The following DNER variants were observed in gnomAD, a reference collection of about 807,000 sequenced individuals.
The protein encoded by DNER is delta/notch like EGF repeat containing, also known as delta and Notch-like epidermal growth factor-related receptor.
In DNER, 33 loss-of-function variants were observed where a neutral mutation model predicts 78.2. The observed-to-expected ratio is 0.42, with a 90% confidence interval of 0.32 to 0.56. DNER has a LOEUF of 0.56. DNER is among the 20% of genes least tolerant of loss of function. The pLI is 0.11. For missense variants in DNER, 918 were observed against 975.3 expected, an observed-to-expected ratio of 0.94 and a Z score of 0.78; for synonymous variants, 417 against 384.8, an observed-to-expected ratio of 1.08 and a Z score of -0.98.
At chr2:229,421,631 A>ATATG (rs1025638915) in intron 8 of DNER, among the ~76,000 whole-genome samples, 201 of 19,490 alleles carry the variant, frequency 0.01, no homozygotes, top group Non-Finnish European at 0.029. Flanking sequence ...AACATGAAAT[A>ATATG]TATATATATA....
rs1696056910 is a variant in DNER, at chr2:229,519,717, G to A, written c.994-6781C>T. On this transcript the variant is annotated intron_variant, in intron 5 of 12. Coordinates refer to ENST00000341772, the MANE Select transcript of DNER (RefSeq NM_139072.4). ...GGGTTCAGAAGATGCGTGTGGGGAG[G>A]CCCTTCACCCTTAAGGGCATCTGCT... Among the ~76,000 whole-genome samples, 3 of 152,132 alleles carry A rather than the reference G, an allele frequency of 2.0e-5. No individual in the cohort carries two copies. In the South Asian group the frequency reaches 6.2e-4, roughly 31 times the overall value.
intron 1 of DNER, among the ~76,000 whole-genome samples, chr2:229,686,244 G>A (rs58324846): frequency 6.6e-6 from 1 of 152,098 alleles, no homozygotes; most frequent in Non-Finnish European, 1.5e-5. Context: ...TGGTGCCACT[G>A]ACTGTTCATC....
intron 10 of DNER, among the ~76,000 whole-genome samples, chr2:229,389,590 G>A (rs1692972189): frequency 6.6e-6 from 1 of 152,098 alleles, no homozygotes; most frequent in Admixed American, 6.5e-5. Flanking sequence ...ATTTTCAAAA[G>A]CAATGTTTCA....
At chr2:229,407,412 C>T (rs532604962) in intron 9 of DNER, 67 bp from the exon 10 acceptor site, 37 of 1,436,290 alleles carry the variant, frequency 2.6e-5, no homozygotes, top group Admixed American at 1.0e-4. Flanking sequence ...CCTCTGAAAG[C>T]AAAGTCGGAA....
intron 9 of DNER, 54 bp downstream of exon 9, chr2:229,418,054 T>C (rs1693687530): frequency 6.2e-7 from 1 of 1,613,396 alleles, no homozygotes; most frequent in Non-Finnish European, 8.5e-7. Flanking sequence ...CACTGAGAAA[T>C]ACATGACGTC....
At chr2:229,400,128 A>G (rs1693236274) in intron 10 of DNER, among the ~76,000 whole-genome samples, 1 of 152,044 alleles carries the variant, frequency 6.6e-6, no homozygotes, top group Admixed American at 6.5e-5. Flanking sequence ...TGGATGATGA[A>G]AGGCAGTATT....
At position 229,594,311 on chromosome 2, in the gene DNER, G is replaced by A. The variant is rs140448884; in HGVS notation, c.277-2423C>T. Among the ~76,000 whole-genome samples, 26 of 152,328 alleles carry A rather than the reference G, an allele frequency of 1.7e-4. No homozygotes were observed. In the East Asian group the frequency reaches 3.1e-3, roughly 18 times the overall value. On this transcript the variant is annotated intron_variant, in intron 1 of 12. Transcript: ENST00000341772. ...CTGAGAAAAAGAAGAGCAGAGGGCC[G>A]GGCGCGGTGGCTCACGCCTGTAACC...
rs192285537 is a variant in DNER, at chr2:229,439,338, A to T, written c.1486+7978T>A. The stretch of plus-strand genomic sequence containing the variant: ...GTCTTTCCCAAGTAACGGAATATCC[A>T]ATGTCTGCGCTAATGCTCCACCATT... On this transcript the variant is annotated intron_variant, in intron 8 of 12. Transcript: ENST00000341772. Among the ~76,000 whole-genome samples, 655 of 152,350 alleles carry T rather than the reference A, an allele frequency of 4.3e-3. 1 individual carries two copies. The highest frequency in any genetic ancestry group is 0.015 in the African/African-American group (630 of 41,586).
intron 4 of DNER, among the ~76,000 whole-genome samples, chr2:229,575,377 G>A (rs559127413): frequency 6.6e-6 from 1 of 152,332 alleles, no homozygotes; most frequent in African/African-American, 2.4e-5. Context: ...AAGCATCTTA[G>A]TAACTCATGA....
At chr2:229,670,997 T>C (rs1699197778) in intron 1 of DNER, among the ~76,000 whole-genome samples, 1 of 152,140 alleles carries the variant, frequency 6.6e-6, no homozygotes, top group African/African-American at 2.4e-5. Context: ...GGAGGGGGAA[T>C]TTTTTTCTGC....
intron 1 of DNER, among the ~76,000 whole-genome samples, chr2:229,654,659 A>G (rs77656796): frequency 0.028 from 4,243 of 152,202 alleles, 204 homozygotes; most frequent in African/African-American, 0.097. Context: ...GCCTATGCTT[A>G]TGTGTCACAC....
At chr2:229,711,225 G>C (rs1015005615) in intron 1 of DNER, among the ~76,000 whole-genome samples, 1 of 152,078 alleles carries the variant, frequency 6.6e-6, no homozygotes, top group Non-Finnish European at 1.5e-5. Flanking sequence ...GGGAACCCCT[G>C]GGCTTTCTTA....
chr2:229,521,476 G>A (rs1412201601), intron 5 of DNER, among the ~76,000 whole-genome samples: 5 of 152,164 alleles, frequency 3.3e-5, no homozygotes, highest in Admixed American at 3.3e-4. Flanking sequence ...AACCAGACAG[G>A]ACAGTCATTT....
rs143840900 is a variant in DNER at position 229,534,574 on chromosome 2, A to G, written c.993+12373T>C. On this transcript the variant is annotated intron_variant, in intron 5 of 12. Transcript: ENST00000341772. Reference sequence around the variant, plus strand: ...TAAAACATGTATCCCATTTCCAACTAAGTATCTATTGAGGCTGTATTTTCT... The same window carrying G: ...TAAAACATGTATCCCATTTCCAACTGAGTATCTATTGAGGCTGTATTTTCT... 1.1e-3 allele frequency among the ~76,000 whole-genome samples: 160 copies of G among 152,344 alleles called. 1 individual carries two copies. The highest frequency in any genetic ancestry group is 3.7e-3 in the African/African-American group (154 of 41,588).
chr2:229,438,575 A>C (rs761986392), intron 8 of DNER, among the ~76,000 whole-genome samples: 3 of 152,202 alleles, frequency 2.0e-5, no homozygotes, highest in Admixed American at 6.5e-5. Flanking sequence ...GTCTATTATA[A>C]ATGCAGTAAG....
Position 229,447,385 on chromosome 2 carries a change from C to T in DNER, c.1417G>A (p.Ala473Thr). 1 of 1,613,224 alleles carries T rather than the reference C, an allele frequency of 6.2e-7. No individual in the cohort carries two copies. Among genetic ancestry groups the T allele is most frequent in the Non-Finnish European group, 8.5e-7 (1 of 1,179,694 alleles). The change falls in exon 8 of 13, where the codon GCC becomes ACC. Residue 473 changes from alanine (A) to threonine (T), a missense_variant. Transcript: ENST00000341772. ...PTCAQLIDFC[A>T]LSPCAHGTCR... ...GTGCCATGAGCACAGGGGCTGAGGG[C>T]ACAGAAGTCAATAAGCTGGGCACAG...
At chr2:229,506,295 T>A (rs11897886) in intron 6 of DNER, among the ~76,000 whole-genome samples, 11,290 of 152,020 alleles carry the variant, frequency 0.074, 1,324 homozygotes, top group African/African-American at 0.24. Flanking sequence ...AAAACCATTA[T>A]AAAACCATCA....
chr2:229,670,379 C>T (rs185747206), intron 1 of DNER, among the ~76,000 whole-genome samples: 35 of 152,296 alleles, frequency 2.3e-4, no homozygotes, highest in Admixed American at 2.0e-3. Context: ...AAAGCACTCC[C>T]AGCTAAGTCT....
chr2:229,538,824 C>G (rs991566108), intron 5 of DNER, among the ~76,000 whole-genome samples: 1 of 152,288 alleles, frequency 6.6e-6, no homozygotes, highest in East Asian at 1.9e-4. Context: ...CAGGCGTGAG[C>G]CCCCGTGCCC....
Sources: gnomAD v4.1 joint callset for allele counts (sites outside exome capture counted in the v4.1 genomes callset) on GRCh38, gnomAD v4.1.1 for gene constraint, MANE v1.5 for transcripts, NCBI Gene and HGNC (gene_info 2026-07-23, HGNC 2026-07-21) for gene names.